PTAR1: variants seen among roughly 807,000 people sequenced by gnomAD.
PTAR1 encodes the protein protein prenyltransferase alpha subunit repeat-containing protein 1.
A neutral mutation model predicts 45.5 loss-of-function variants in PTAR1; 17 were observed. That is an observed-to-expected ratio of 0.37 (90% CI 0.26 to 0.56). The LOEUF is 0.56. PTAR1 is among the 20% of genes least tolerant of loss of function. The pLI, the probability that PTAR1 is intolerant of heterozygous loss-of-function variation, is 0.77. For missense variants in PTAR1, 391 were observed against 476.3 expected, an observed-to-expected ratio of 0.82 and a Z score of 1.67; for synonymous variants, 169 against 171.3, an observed-to-expected ratio of 0.99 and a Z score of 0.11.
chr9:69,725,760 T>C (rs1005564351), intron 5 of PTAR1, among the ~76,000 whole-genome samples: 3 of 152,004 alleles, frequency 2.0e-5, no homozygotes, highest in Admixed American at 6.5e-5. Context: ...TAAAAAGATA[T>C]AAAGATAGAG....
chr9:69,755,261 C>G (rs1203349658), intron 1 of PTAR1, among the ~76,000 whole-genome samples: 13 of 152,170 alleles, frequency 8.5e-5, no homozygotes, highest in Non-Finnish European at 1.9e-4. Context: ...AAAGGCAGAG[C>G]AATGTGGAAC....
intron 3 of PTAR1, among the ~76,000 whole-genome samples, chr9:69,736,171 T>C (rs866010077): frequency 2.0e-5 from 3 of 152,310 alleles, no homozygotes; most frequent in Middle Eastern, 3.4e-3. Flanking sequence ...CTGGAACTTA[T>C]GCGAAATGCA....
intron 3 of PTAR1, among the ~76,000 whole-genome samples, chr9:69,739,344 CATT>C (rs1306482840): frequency 4.0e-5 from 6 of 148,496 alleles, no homozygotes; most frequent in Non-Finnish European, 8.9e-5. Flanking sequence ...GAAAATAGGA[CATT>C]ATTACTAAGT....
intron 2 of PTAR1, among the ~76,000 whole-genome samples, chr9:69,746,632 A>G (rs1215315719): frequency 6.6e-6 from 1 of 152,218 alleles, no homozygotes; most frequent in Admixed American, 6.5e-5. Context: ...CAGAACATAT[A>G]CCAGCAAATA....
chr9:69,749,728 A>G (rs908604239), intron 2 of PTAR1, among the ~76,000 whole-genome samples: 1 of 152,128 alleles, frequency 6.6e-6, no homozygotes, highest in East Asian at 1.9e-4. Flanking sequence ...CAGAAATTCA[A>G]GGAAATCAGT....
chr9:69,757,953 G>A (rs1388474973), intron 1 of PTAR1: 1 of 152,096 alleles, frequency 6.6e-6, no homozygotes, highest in Non-Finnish European at 1.5e-5. Flanking sequence ...AATGAGTTAA[G>A]CTATTTAAAT....
Position 69,750,915 on chromosome 9 carries a change from C to T in PTAR1, c.122G>A (p.Arg41Lys), listed in dbSNP as rs1219832202. ...EIGLIPCPEA[R>K]YNRSPIVLVE... is the part of the protein sequence containing the mutation. ...CAGGACTATGGGACTCCGGTTATAC[C>T]TAGCTTCAGGACATGGGATCAGGCC... Residue 41 changes from arginine (R) to lysine (K), a missense_variant, in exon 2 of 8, where the codon AGG becomes AAG. Arg to Lys is a conservative substitution (Grantham distance 26). Coordinates refer to ENST00000340434, the MANE Select transcript of PTAR1 (RefSeq NM_001099666.2). 2 of 1,606,576 alleles carry T rather than the reference C, an allele frequency of 1.2e-6. No individual in the cohort carries two copies. Among genetic ancestry groups the T allele is most frequent in the African/African-American group, 1.3e-5 (1 of 74,652 alleles).
intron 6 of PTAR1, among the ~76,000 whole-genome samples, chr9:69,719,939 G>A (rs189749574): frequency 1.3e-5 from 2 of 152,238 alleles, no homozygotes; most frequent in Admixed American, 1.3e-4. Context: ...TGTTGTGTGT[G>A]TTCTGATTGC....
rs564954752 is a variant in PTAR1 at position 69,710,291 on chromosome 9, T to C, written c.*8051A>G. 4 of 152,262 alleles carry C rather than the reference T, an allele frequency of 2.6e-5. No homozygotes were observed. Among genetic ancestry groups the C allele is most frequent in the African/African-American group, 9.6e-5 (4 of 41,572 alleles). 9.4% of individuals were successfully genotyped at this position (152,262 alleles called of 1,614,324 possible). On this transcript the variant is annotated 3_prime_UTR_variant, in exon 8 of 8. Transcript: ENST00000340434. Reference sequence around the variant, plus strand: ...AGAAAAAGAAGATAAGGTGTTTCATTAATAATCTTTTATATTGATTACATG... The same window carrying C: ...AGAAAAAGAAGATAAGGTGTTTCATCAATAATCTTTTATATTGATTACATG...
chr9:69,722,893 C>T (rs894648843), intron 6 of PTAR1, among the ~76,000 whole-genome samples: 3 of 147,264 alleles, frequency 2.0e-5, no homozygotes, highest in Admixed American at 1.4e-4. Context: ...GAGCCGAGAT[C>T]GCGCTATTGC....
At chr9:69,751,739 TTTC>T (rs1214570668) in intron 1 of PTAR1, among the ~76,000 whole-genome samples, 1 of 152,078 alleles carries the variant, frequency 6.6e-6, no homozygotes, top group Non-Finnish European at 1.5e-5. Flanking sequence ...TGGGCCATTT[TTTC>T]TTCTTTATAT....
At chr9:69,721,092 T>C (rs184067710) in intron 6 of PTAR1, among the ~76,000 whole-genome samples, 108 of 152,336 alleles carry the variant, frequency 7.1e-4, no homozygotes, top group African/African-American at 2.5e-3. Context: ...ATTCCTCTAA[T>C]GGATCTGGGC....
chr9:69,746,445 G>A (rs919507421), intron 2 of PTAR1, among the ~76,000 whole-genome samples: 1 of 152,200 alleles, frequency 6.6e-6, no homozygotes, highest in Non-Finnish European at 1.5e-5. Context: ...TTTGCCTTCT[G>A]CAGGTCAGGA....
chr9:69,718,782 T>G (rs560922209), intron 6 of PTAR1, 98 bp from the exon 7 acceptor site: 349 of 810,072 alleles, frequency 4.3e-4, no homozygotes, highest in Admixed American at 9.7e-4. Context: ...CATACAGTAT[T>G]CAATTCACTG....
intron 5 of PTAR1, 35 bp downstream of exon 5, chr9:69,732,104 C>G: frequency 6.7e-7 from 1 of 1,487,296 alleles, no homozygotes; most frequent in Non-Finnish European, 9.3e-7. Flanking sequence ...TAAGGGCAGA[C>G]AGGCAGTCTG....
chr9:69,723,721 C>CT (rs575420922), intron 5 of PTAR1, 91 bp from the exon 6 acceptor site: 2 of 1,016,622 alleles, frequency 2.0e-6, no homozygotes, highest in Middle Eastern at 2.8e-4. Flanking sequence ...TGATTTGTTC[C>CT]TTTTTTGACA....
rs1564140446 is a variant in PTAR1 at position 69,740,658 on chromosome 9, A to AGG, written c.323+1133_323+1134insCC. Among the ~76,000 whole-genome samples the AGG allele has an allele frequency of 6.7e-4, 99 of 148,140 alleles. 1 individual carries two copies. The highest frequency in any genetic ancestry group is 4.6e-3 in the East Asian group (23 of 5,030). ...AGATGCTAAGGAAACAAAGGGGAAA[A>AGG]AAAAAAAAAAAAAGACATGGTCCCT... is the stretch of plus-strand genomic sequence containing the variant. On this transcript the variant is annotated intron_variant, in intron 3 of 7. Transcript: ENST00000340434.
At chr9:69,751,110 G>A (rs946912111) in intron 1 of PTAR1, among the ~76,000 whole-genome samples, 160 bp from the exon 2 acceptor site, 1 of 152,058 alleles carries the variant, frequency 6.6e-6, no homozygotes, top group Admixed American at 6.6e-5. Context: ...ATAGTGGCAA[G>A]AGTATGAGAA....
At position 69,756,000 on chromosome 9, in the gene PTAR1, C is replaced by T. The variant is rs148422148; in HGVS notation, c.86+3853G>A. On this transcript the variant is annotated intron_variant, in intron 1 of 7. Transcript: ENST00000340434. ...TGTCTAAGTCTACTCAGTTAATAAA[C>T]GACAAGCAAAGACTCAAATCCAGTT... 9.3e-4 allele frequency among the ~76,000 whole-genome samples: 142 copies of T among 152,208 alleles called. No homozygotes were observed. The East Asian group carries it at 0.024, about 25-fold the overall frequency.
Sources: allele counts gnomAD v4.1 joint callset (sites outside exome capture counted in the v4.1 genomes callset), GRCh38; gene constraint gnomAD v4.1.1; transcripts MANE v1.5; gene names NCBI Gene and HGNC (gene_info 2026-07-23, HGNC 2026-07-21).